CAP1: variants seen among roughly 807,000 people sequenced by gnomAD.
The protein encoded by CAP1 is cyclase associated actin cytoskeleton regulatory protein 1.
A neutral mutation model predicts 58.2 loss-of-function variants in CAP1; 11 were observed. That is an observed-to-expected ratio of 0.19 (90% CI 0.12 to 0.31). The LOEUF is 0.31. Ranked by LOEUF, CAP1 falls within the 10% of genes least tolerant of loss-of-function variation. The probability of loss-of-function intolerance (pLI) is 1.00; values close to 1 mark genes in which losing one functional copy is unlikely to be tolerated. For synonymous variants in CAP1, 183 were observed against 213.8 expected (o/e 0.86, Z 1.26); for missense variants, 423 against 587.5 (o/e 0.72, Z 2.89).
rs753189337 is a variant in CAP1 at position 40,067,622 on chromosome 1, C to G, written c.713C>G (p.Pro238Arg). 6.3e-6 allele frequency: 10 copies of G among 1,581,622 alleles called. No homozygotes were observed. Among genetic ancestry groups the G allele is most frequent in the Non-Finnish European group, 8.6e-6 (10 of 1,156,610 alleles). ...SCPPPPPPCP[P>R]PPPVSTISCS... ...CCTCCTCCCCCTCCACCATGCCCCC[C>G]TCCTCCCCCAGTCTCTACCATTTCA... is the stretch of plus-strand genomic sequence containing the variant. The change falls in exon 8 of 13, where the codon CCT becomes CGT. Residue 238 changes from proline (P) to arginine (R), a missense_variant. By Grantham distance (103) the Pro-to-Arg change is moderately radical (BLOSUM62 -2). Coordinates refer to ENST00000372805, the MANE Select transcript of CAP1 (RefSeq NM_006367.4).
At chr1:40,066,135 C>T in intron 6 of CAP1, 80 bp from the exon 7 acceptor site, 1 of 784,002 alleles carries the variant, frequency 1.3e-6, no homozygotes, top group South Asian at 1.4e-5. Context: ...GAATGTGAGC[C>T]CATAGGAAAG....
At chr1:40,070,330 A>G (rs376671195) in intron 10 of CAP1, 48 bp downstream of exon 10, 40 of 1,612,944 alleles carry the variant, frequency 2.5e-5, no homozygotes, top group Non-Finnish European at 3.2e-5. Flanking sequence ...AGAGCCCGAG[A>G]AGGCTAATAC....
intron 1 of CAP1, among the ~76,000 whole-genome samples, chr1:40,051,844 C>G (rs111910262): frequency 7.2e-5 from 11 of 152,234 alleles, no homozygotes; most frequent in African/African-American, 2.6e-4. Context: ...GCTGGGATTA[C>G]AGGCGTGAGC....
At position 40,046,926 on chromosome 1, in the gene CAP1, C is replaced by A. The variant is rs185482643; in HGVS notation, c.-11+6125C>A. Among the ~76,000 whole-genome samples the A allele has an allele frequency of 2.1e-4, 32 of 152,198 alleles. No individual in the cohort carries two copies. The East Asian group carries it at 5.8e-3, about 28-fold the overall frequency. Reference sequence around the variant, plus strand: ...TAGCTGGTACTACAGGTGCGCACCACCACGCCCAGCTAATTTTTGTATTTT... The same window carrying A: ...TAGCTGGTACTACAGGTGCGCACCAACACGCCCAGCTAATTTTTGTATTTT... On this transcript the variant is annotated intron_variant, in intron 1 of 12. Transcript: ENST00000372805.
intron 1 of CAP1, among the ~76,000 whole-genome samples, chr1:40,051,997 G>C (rs1646395554): frequency 1.3e-5 from 2 of 152,186 alleles, no homozygotes; most frequent in Non-Finnish European, 2.9e-5. Context: ...CTGGAGGGGA[G>C]GGACCATGTG....
chr1:40,044,688 C>T (rs1217283322), intron 1 of CAP1, among the ~76,000 whole-genome samples: 1 of 151,050 alleles, frequency 6.6e-6, no homozygotes, highest in Non-Finnish European at 1.5e-5. Flanking sequence ...AAGTCGTGAA[C>T]TAGCATTTTA....
intron 6 of CAP1, 84 bp downstream of exon 6, chr1:40,064,643 C>G: frequency 9.8e-7 from 1 of 1,022,936 alleles, no homozygotes; most frequent in Non-Finnish European, 1.5e-6. Flanking sequence ...GTGGCACAAT[C>G]ACAGCTCATT....
intron 1 of CAP1, among the ~76,000 whole-genome samples, chr1:40,045,071 A>G (rs564620411): frequency 6.6e-6 from 1 of 152,050 alleles, no homozygotes; most frequent in East Asian, 1.9e-4. Context: ...GGTGTGAGCC[A>G]CCGCGCCTGG....
chr1:40,051,571 T>C lies in CAP1; in HGVS notation c.-10-7766T>C, dbSNP rs1646369848. Among the ~76,000 whole-genome samples the C allele has an allele frequency of 2.0e-5, 3 of 152,202 alleles. No individual in the cohort carries two copies. In the South Asian group the frequency reaches 6.2e-4, roughly 32 times the overall value. ...CTGTTTTTTGTTTGTTTGGGGTTTT[T>C]TTGTTTTGTTTTTTTGTTTTTTGAG... On this transcript the variant is annotated intron_variant, in intron 1 of 12. Transcript: ENST00000372805.
rs975657256 is a variant in CAP1 at position 40,046,859 on chromosome 1, G to A, written c.-11+6058G>A. Among the ~76,000 whole-genome samples the A allele has an allele frequency of 4.0e-5, 6 of 149,496 alleles. 1 individual carries two copies. The Admixed American group carries it at 4.1e-4, about 10-fold the overall frequency. On this transcript the variant is annotated intron_variant, in intron 1 of 12. Coordinates refer to ENST00000372805, the MANE Select transcript of CAP1 (RefSeq NM_006367.4). ...ACGATCTTGGCTCACTGCAACCCCC[G>A]CCTCCTGGGTTCAAGCAATTCTTCT...
At chr1:40,065,002 T>C (rs1238756089) in intron 6 of CAP1, among the ~76,000 whole-genome samples, 6 of 152,204 alleles carry the variant, frequency 3.9e-5, no homozygotes, top group African/African-American at 7.2e-5. Flanking sequence ...TTTACAGATA[T>C]TGTCTCACAG....
chr1:40,067,462 G>A, intron 7 of CAP1, 78 bp from the exon 8 acceptor site: 1 of 1,267,010 alleles, frequency 7.9e-7, no homozygotes, highest in Non-Finnish European at 1.1e-6. Flanking sequence ...ATGTGCACTG[G>A]CCCATGTAGG....
intron 1 of CAP1, among the ~76,000 whole-genome samples, chr1:40,059,039 A>G (rs1172073379): frequency 8.3e-6 from 1 of 119,982 alleles, no homozygotes; most frequent in Non-Finnish European, 1.8e-5. Context: ...TTCTACACAC[A>G]GTATCATAGT....
At chr1:40,070,797 C>T (rs1330727402) in intron 11 of CAP1, 39 bp from the exon 12 acceptor site, 1 of 1,571,670 alleles carries the variant, frequency 6.4e-7, no homozygotes, top group Non-Finnish European at 8.6e-7. Context: ...GTTGTCCTTC[C>T]CAACCACTGG....
rs1646173770 is a variant in CAP1 at position 40,047,829 on chromosome 1, A to G, written c.-11+7028A>G. Among the ~76,000 whole-genome samples, 2 of 151,800 alleles carry G rather than the reference A, an allele frequency of 1.3e-5. 1 individual carries two copies. The highest frequency in any genetic ancestry group is 4.2e-4 in the South Asian group (2 of 4,812). On this transcript the variant is annotated intron_variant, in intron 1 of 12. Transcript: ENST00000372805. Reference sequence around the variant, plus strand: ...TTCACTTTATACACTAACTTTACTCACTCCTGGAGTTTCAGGTAGAGGACA... The same window carrying G: ...TTCACTTTATACACTAACTTTACTCGCTCCTGGAGTTTCAGGTAGAGGACA...
chr1:40,070,473 C>T lies in CAP1; in HGVS notation c.1161C>T (p.Gly387=). The change falls in exon 11 of 13, where the codon GGC becomes GGT. Residue 387 remains glycine, a synonymous_variant. Coordinates refer to ENST00000372805, the MANE Select transcript of CAP1 (RefSeq NM_006367.4). ...KLGLVFDDVV[G]IVEIINSKDV... is the part of the protein sequence containing the mutation. ...GCCTGGTATTCGATGACGTGGTGGG[C>T]ATTGTGGAGATAATCAACAGTAAGG... 2 of 1,613,988 alleles carry T rather than the reference C, an allele frequency of 1.2e-6. No homozygotes were observed. Among genetic ancestry groups the T allele is most frequent in the Non-Finnish European group, 1.7e-6 (2 of 1,179,922 alleles).
chr1:40,046,547 A>G (rs1646115258), intron 1 of CAP1, among the ~76,000 whole-genome samples: 1 of 152,218 alleles, frequency 6.6e-6, no homozygotes, highest in African/African-American at 2.4e-5. Flanking sequence ...ATTTTAGTTG[A>G]TAAAATTATA....
At chr1:40,040,304 C>A (rs1023386537), upstream of CAP1, 1 of 151,998 alleles carries the variant, frequency 6.6e-6, no homozygotes, top group African/African-American at 2.4e-5. Context: ...AATCCTGGCC[C>A]CCAGTCGTTC....
intron 5 of CAP1, 24 bp downstream of exon 5, chr1:40,064,394 T>A (rs779944423): frequency 1.2e-6 from 2 of 1,613,904 alleles, no homozygotes; most frequent in African/African-American, 2.7e-5. Flanking sequence ...ATTCCAGGGC[T>A]GGGGGTGGGT....
Sources: gnomAD v4.1 joint callset for allele counts (sites outside exome capture counted in the v4.1 genomes callset) on GRCh38, gnomAD v4.1.1 for gene constraint, MANE v1.5 for transcripts, NCBI Gene and HGNC (gene_info 2026-07-23, HGNC 2026-07-21) for gene names.